Variants in CAV3 observed in about 807,000 individuals in gnomAD.
CAV3 encodes caveolin 3.
In CAV3, 10 loss-of-function variants were observed where a neutral mutation model predicts 13.4. That is an observed-to-expected ratio of 0.75 (90% CI 0.46 to 1.27). CAV3 has a LOEUF of 1.27. Ranked by LOEUF, CAV3 falls within the 50% of genes most tolerant of loss-of-function variation. CAV3 has a pLI of 0.00. For synonymous variants in CAV3, 90 were observed against 79.0 expected (o/e 1.14, Z -0.74); for missense variants, 162 against 194.0 (o/e 0.83, Z 0.98).
chr3:8,743,873 A>T (rs1708056620), intron 1 of CAV3, among the ~76,000 whole-genome samples: 2 of 151,724 alleles, frequency 1.3e-5, no homozygotes, highest in African/African-American at 2.4e-5. Flanking sequence ...CAAACCCAAG[A>T]CTCTTTTCTT....
intron 1 of CAV3, among the ~76,000 whole-genome samples, chr3:8,737,846 C>G (rs894408897): frequency 2.0e-5 from 3 of 152,022 alleles, no homozygotes; most frequent in African/African-American, 7.2e-5. Context: ...CCAAGGTTGC[C>G]TCAACCTTCA....
chr3:8,739,682 T>C (rs562835658), intron 1 of CAV3, among the ~76,000 whole-genome samples: 1 of 152,020 alleles, frequency 6.6e-6, no homozygotes. Flanking sequence ...CCAAGTCCCA[T>C]TCATCCTATA....
At chr3:8,736,767 A>G (rs1170874356) in intron 1 of CAV3, among the ~76,000 whole-genome samples, 1 of 152,216 alleles carries the variant, frequency 6.6e-6, no homozygotes, top group Non-Finnish European at 1.5e-5. Flanking sequence ...AGCAAAGGCT[A>G]AGAAAGGATG....
chr3:8,735,800 C>A (rs543448257), intron 1 of CAV3, among the ~76,000 whole-genome samples: 1 of 152,308 alleles, frequency 6.6e-6, no homozygotes, highest in South Asian at 2.1e-4. Flanking sequence ...CCTCTCTTCT[C>A]CAGGTGGTGA....
At chr3:8,741,397 T>G (rs772124982) in intron 1 of CAV3, among the ~76,000 whole-genome samples, 1 of 152,186 alleles carries the variant, frequency 6.6e-6, no homozygotes, top group Non-Finnish European at 1.5e-5. Flanking sequence ...GACACACTGA[T>G]TGTGAACTGC....
At chr3:8,741,631 T>C (rs1214151173) in intron 1 of CAV3, among the ~76,000 whole-genome samples, 1 of 152,136 alleles carries the variant, frequency 6.6e-6, no homozygotes, top group Non-Finnish European at 1.5e-5. Context: ...GGCCAGTGGA[T>C]ACTGGGACCA....
In CAV3 at chr3:8,745,494, T is replaced by C. The variant is rs370587820; in HGVS notation, c.115-32T>C. The C allele has an allele frequency of 4.0e-5, 49 of 1,218,930 alleles. No homozygotes were observed. In the African/African-American group the frequency reaches 5.4e-4, roughly 13 times the overall value. 75.5% of individuals were successfully genotyped at this position (1,218,930 alleles called of 1,614,324 possible). On this transcript the variant is annotated intron_variant, in intron 1 of 1. Transcript: ENST00000343849. The surrounding 1 kb of genome is among the most constrained non-coding windows in gnomAD (Gnocchi z 4.8). ...AAGCTTGAGAAGCGGGTGGCTTCTG[T>C]GAGTTGAGGCTTCCCCTTGCCACCC...
intron 1 of CAV3, among the ~76,000 whole-genome samples, chr3:8,734,565 G>A (rs749366617): frequency 5.3e-5 from 8 of 151,962 alleles, no homozygotes; most frequent in South Asian, 4.2e-4. Context: ...GACGGCACCC[G>A]GGACCCTCGA....
In CAV3 at chr3:8,741,897, C is replaced by A. The variant is rs1707972581; in HGVS notation, c.115-3629C>A. ...TAATCAACTGGGTCTCTTGCTGTTCCAAAAATAAATATGCCACAGAAGGGG... is the reference window on the plus strand; with the variant it reads ...TAATCAACTGGGTCTCTTGCTGTTCAAAAAATAAATATGCCACAGAAGGGG... On this transcript the variant is annotated intron_variant, in intron 1 of 1. Transcript: ENST00000343849. Among the ~76,000 whole-genome samples, 4 of 152,220 alleles carry A rather than the reference C, an allele frequency of 2.6e-5. 1 individual carries two copies. The South Asian group carries it at 8.3e-4, about 32-fold the overall frequency.
At chr3:8,736,200 T>C (rs1007717985) in intron 1 of CAV3, among the ~76,000 whole-genome samples, 6 of 152,220 alleles carry the variant, frequency 3.9e-5, no homozygotes, top group Non-Finnish European at 7.3e-5. Context: ...TACCTAAAAA[T>C]GATAACACTG....
At chr3:8,737,349 C>T (rs1328308763) in intron 1 of CAV3, among the ~76,000 whole-genome samples, 2 of 152,180 alleles carry the variant, frequency 1.3e-5, no homozygotes, top group East Asian at 1.9e-4. Flanking sequence ...ATCCTTTGCC[C>T]TCTCTGGTCC....
At chr3:8,734,541 G>T (rs1012428205) in intron 1 of CAV3, among the ~76,000 whole-genome samples, 8 of 152,088 alleles carry the variant, frequency 5.3e-5, no homozygotes, top group African/African-American at 1.9e-4. Flanking sequence ...AGGTCTAGTG[G>T]CCAGGACAGG....
rs1482534318 is a variant in CAV3 at position 8,746,174 on chromosome 3, CA to C, written c.*308del. 3.4e-6 allele frequency: 1 copy of C among 293,248 alleles called. No individual in the cohort carries two copies. Among genetic ancestry groups the C allele is most frequent in the Non-Finnish European group, 6.5e-6 (1 of 154,750 alleles). The allele number at this position is 293,248 out of a possible 1,614,324, so 18.2% of individuals were successfully genotyped here. On this transcript the variant is annotated 3_prime_UTR_variant, in exon 2 of 2. Coordinates refer to ENST00000343849, the MANE Select transcript of CAV3 (RefSeq NM_033337.3). Reference sequence around the variant, plus strand: ...CTTGTACTGTAACAACATAAACCAGCACGCGGTTCCCACCCGGGGCCAACCT... The same window carrying C: ...CTTGTACTGTAACAACATAAACCAGCCGCGGTTCCCACCCGGGGCCAACCT...
chr3:8,739,150 T>C (rs17049501), intron 1 of CAV3, among the ~76,000 whole-genome samples: 6,999 of 152,252 alleles, frequency 0.046, 535 homozygotes, highest in African/African-American at 0.16. Context: ...CTTAGTGTTA[T>C]GAGGACTCCT....
chr3:8,745,705 C>T lies in CAV3; in HGVS notation c.294C>T (p.Cys98=). ...TCCTGTTCGCCTGCATCTCCTTCTG[C>T]CACATCTGGGCGGTGGTGCCATGCA... The part of the protein sequence containing the change: ...WGFLFACISF[C]HIWAVVPCIK... Residue 98 remains cysteine, a synonymous_variant, in exon 2 of 2, where the codon TGC becomes TGT. Coordinates refer to ENST00000343849, the MANE Select transcript of CAV3 (RefSeq NM_033337.3). The surrounding 1 kb of genome is among the most constrained non-coding windows in gnomAD (Gnocchi z 4.8). 2 of 1,614,192 alleles carry T rather than the reference C, an allele frequency of 1.2e-6. No individual in the cohort carries two copies. The highest frequency in any genetic ancestry group is 1.7e-6 in the Non-Finnish European group (2 of 1,180,044).
intron 1 of CAV3, among the ~76,000 whole-genome samples, chr3:8,736,514 A>G (rs997715250): frequency 2.0e-5 from 3 of 152,208 alleles, no homozygotes; most frequent in African/African-American, 7.2e-5. Flanking sequence ...GGTGGGCTGC[A>G]GGGAGATGGG....
chr3:8,735,598 C>T (rs887055347), intron 1 of CAV3, among the ~76,000 whole-genome samples: 41 of 152,342 alleles, frequency 2.7e-4, no homozygotes, highest in African/African-American at 9.1e-4. Context: ...AAGCTCCTGG[C>T]CACTGGATCA....
chr3:8,742,680 T>C (rs1424990128), intron 1 of CAV3: 1 of 330,998 alleles, frequency 3.0e-6, no homozygotes, highest in Non-Finnish European at 6.1e-6. Flanking sequence ...GCTCAAGAGG[T>C]AGTGTGCCTG....
At chr3:8,741,758 C>T (rs237879) in intron 1 of CAV3, among the ~76,000 whole-genome samples, 3,840 of 152,152 alleles carry the variant, frequency 0.025, 62 homozygotes, top group Middle Eastern at 0.034. Flanking sequence ...GAGGTATTTT[C>T]GACCCCGGGT....
Sources: gnomAD v4.1 joint callset for allele counts (sites outside exome capture counted in the v4.1 genomes callset) on GRCh38, gnomAD v4.1.1 for gene constraint, Gnocchi (gnomAD v3.1) non-coding constraint, MANE v1.5 for transcripts, NCBI Gene and HGNC (gene_info 2026-07-23, HGNC 2026-07-21) for gene names.